PNKP: variants seen among roughly 807,000 people sequenced by gnomAD.
PNKP encodes polynucleotide kinase 3'-phosphatase, also known as bifunctional polynucleotide phosphatase/kinase.
In PNKP, 82 loss-of-function variants were observed where a neutral mutation model predicts 66.2. The observed-to-expected ratio is 1.24, with a 90% CI of 1.04 to 1.49. The LOEUF (loss-of-function observed/expected upper bound fraction) is 1.49, where lower values mean the gene tolerates loss of function less well. Among genes scored for constraint, PNKP ranks in the 40% most tolerant of loss-of-function variants. PNKP has a pLI of 0.00. For synonymous variants in PNKP, 412 were observed against 298.9 expected (o/e 1.38, Z -3.90); for missense variants, 907 against 706.8 (o/e 1.28, Z -3.21).
Position 49,862,383 on chromosome 19 carries a change from TGGGAGCTCGAAGCC to T in PNKP, c.1003_1016del (p.Gly335SerfsTer3), listed in dbSNP as rs1131691883. 5.7e-6 allele frequency: 8 copies of T among 1,409,388 alleles called. No individual in the cohort carries two copies. The Admixed American group carries it at 1.7e-4, about 29-fold the overall frequency. 87.3% of individuals were successfully genotyped at this position (1,409,388 alleles called of 1,614,324 possible). ...CCCAGGGCCTCACCGGATCAAAGGC[TGGGAGCTCGAAGCC>T]GGCTGCTGGCCACTTGAGAAAGAAC... On this transcript the variant is annotated frameshift_variant, in exon 11 of 17. Transcript: ENST00000322344. LOFTEE classifies it high-confidence loss of function.
chr19:49,862,940 C>G (rs369786042), intron 8 of PNKP: 1 of 672,940 alleles, frequency 1.5e-6, no homozygotes, highest in Non-Finnish European at 2.7e-6. Flanking sequence ...CCCCTCCCTC[C>G]AGGTCTCCCG....
chr19:49,865,080 G>C, intron 4 of PNKP, 47 bp downstream of exon 4: 1 of 1,547,312 alleles, frequency 6.5e-7, no homozygotes, highest in Non-Finnish European at 8.9e-7. Context: ...ACGTGGGATT[G>C]GGTCCCAGTC....
At chr19:49,867,029 C>T (rs1329476947) in intron 2 of PNKP, 25 bp downstream of exon 2, 2 of 1,611,764 alleles carry the variant, frequency 1.2e-6, no homozygotes, top group Non-Finnish European at 1.7e-6. Context: ...CAGGCCACAC[C>T]CCCTCCAGCT....
Position 49,866,413 on chromosome 19 carries a change from C to T in PNKP, c.184G>A (p.Val62Met), listed in dbSNP as rs1467903741. The part of the protein sequence containing the change: ...ELVADPETRT[V>M]AVKQLGVNPS... ...GGCACTGATACCTGTTTCACTGCCA[C>T]TGTCCGGGTCTCAGGATCTGCGACC... The change falls in exon 3 of 17, where the codon GTG (valine) becomes ATG (methionine). Residue 62 changes from valine to methionine, a missense_variant. Transcript: ENST00000322344. 1.2e-6 allele frequency: 2 copies of T among 1,614,136 alleles called. No individual in the cohort carries two copies. The highest frequency in any genetic ancestry group is 2.2e-5 in the East Asian group (1 of 44,892).
chr19:49,861,797 T>C lies in PNKP; in HGVS notation c.1273A>G (p.Asn425Asp), dbSNP rs1348758451. ...CTGGCGCGGCTCGCGGCGTCTGGGT[T>C]TGTGTTGTCGATGGCGACCCGTTTC... is the stretch of plus-strand genomic sequence containing the variant. ...QGKRVAIDNT[N>D]PDAASRARYV... The change falls in exon 14 of 17, where the codon AAC becomes GAC. Residue 425 changes from asparagine to aspartate, a missense_variant. Asn to Asp is a conservative substitution (Grantham distance 23). Coordinates refer to ENST00000322344, the MANE Select transcript of PNKP (RefSeq NM_007254.4). 6.4e-7 allele frequency: 1 copy of C among 1,571,958 alleles called. No individual in the cohort carries two copies. The highest frequency in any genetic ancestry group is 2.4e-5 in the East Asian group (1 of 41,790).
intron 8 of PNKP, 98 bp downstream of exon 8, chr19:49,863,591 C>G (rs2074796136): frequency 2.4e-6 from 2 of 833,502 alleles, no homozygotes; most frequent in South Asian, 2.9e-5. Flanking sequence ...CGAGAGAGGA[C>G]AGAGGAGTAA....
chr19:49,864,116 T>G, intron 6 of PNKP, 45 bp from the exon 7 acceptor site: 1 of 1,610,976 alleles, frequency 6.2e-7, no homozygotes, highest in African/African-American at 1.3e-5. Context: ...CACCAGGGCC[T>G]TGGTCTGACT....
rs1450751537 is a variant in PNKP, at chr19:49,865,123, T to C, written c.498+4A>G. The C allele has an allele frequency of 2.5e-6, 4 of 1,613,190 alleles. No homozygotes were observed. The highest frequency in any genetic ancestry group is 3.4e-6 in the Non-Finnish European group (4 of 1,179,560). On this transcript the variant is annotated splice_donor_region_variant and intron_variant, in intron 4 of 16. Coordinates refer to ENST00000322344, the MANE Select transcript of PNKP (RefSeq NM_007254.4). ...GCTCCCTCAGCCCTCGGCGTGGCCC[T>C]CACCTTGCCCTGGGGTTTCACCCCA... is the stretch of plus-strand genomic sequence containing the variant.
At position 49,867,556 on chromosome 19, in the gene PNKP, G is replaced by A. The variant is rs994662504; in HGVS notation, c.-101C>T. ...GCCTGCAACCCGGCCGGCGGCGGTC[G>A]GTTCCTCGGCGGACGGAAATGACTC... On this transcript the variant is annotated 5_prime_UTR_variant, in exon 1 of 17. Transcript: ENST00000322344. 1.7e-5 allele frequency: 4 copies of A among 233,516 alleles called. No homozygotes were observed. The highest frequency in any genetic ancestry group is 1.4e-4 in the South Asian group (3 of 21,882). 14.5% of individuals were successfully genotyped at this position (233,516 alleles called of 1,614,324 possible).
Position 49,862,279 on chromosome 19 carries a change from C to A in PNKP, c.1032G>T (p.Arg344Ser). The A allele has an allele frequency of 6.3e-7, 1 of 1,593,320 alleles. No individual in the cohort carries two copies. Among genetic ancestry groups the A allele is most frequent in the Non-Finnish European group, 8.5e-7 (1 of 1,170,302 alleles). Residue 344 changes from arginine (R) to serine (S), a missense_variant and splice_region_variant, in exon 12 of 17, where the codon AGG becomes AGT. Arg to Ser is a moderately radical substitution (Grantham distance 110). Coordinates refer to ENST00000322344, the MANE Select transcript of PNKP (RefSeq NM_007254.4). ...AGFELPAFDP[R>S]TVSRSGPLCL... ...AGAGAGGCCCTGAGCGGGAGACAGTCCTCTGCGAGGGGCGGGGGACACGCG... is the reference window on the plus strand; with the variant it reads ...AGAGAGGCCCTGAGCGGGAGACAGTACTCTGCGAGGGGCGGGGGACACGCG...
intron 3 of PNKP, 169 bp downstream of exon 3, chr19:49,866,230 G>A (rs1310340380): frequency 5.6e-6 from 4 of 718,352 alleles, no homozygotes; most frequent in Non-Finnish European, 1.0e-5. Flanking sequence ...GAACTCCTGG[G>A]TTCAAGCGAT....
In PNKP at chr19:49,861,942, G is replaced by T. The variant is rs903644862; in HGVS notation, c.1189-61C>A. 26 of 1,573,688 alleles carry T rather than the reference G, an allele frequency of 1.7e-5. No individual in the cohort carries two copies. In the South Asian group the frequency reaches 2.7e-4, roughly 16 times the overall value. On this transcript the variant is annotated intron_variant, in intron 13 of 16. Transcript: ENST00000322344. Reference sequence around the variant, plus strand: ...CCCAGGGGGAGAGAAGACCCCGAGCGGGGACGGGGAGGCAATGATGGAGGA... The same window carrying T: ...CCCAGGGGGAGAGAAGACCCCGAGCTGGGACGGGGAGGCAATGATGGAGGA...
At position 49,865,316 on chromosome 19, in the gene PNKP, G is replaced by A; in HGVS notation, c.309C>T (p.Thr103=). 1 of 1,614,154 alleles carries A rather than the reference G, an allele frequency of 6.2e-7. No homozygotes were observed. The highest frequency in any genetic ancestry group is 8.5e-7 in the Non-Finnish European group (1 of 1,180,018). The change falls in exon 4 of 17, where the codon ACC becomes ACT. Residue 103 remains threonine, a synonymous_variant. Coordinates refer to ENST00000322344, the MANE Select transcript of PNKP (RefSeq NM_007254.4). ...GTGTGCGGGTCTCTTCCCAGCGCAGGGTCAGTGGGTGGAGGCCATTGACCA... is the reference window on the plus strand; with the variant it reads ...GTGTGCGGGTCTCTTCCCAGCGCAGAGTCAGTGGGTGGAGGCCATTGACCA... ...LYLVNGLHPL[T]LRWEETRTPE... is the part of the protein sequence containing the mutation.
In PNKP at chr19:49,867,126, C is replaced by T. The variant is rs774322357; in HGVS notation, c.79G>A (p.Asp27Asn). The T allele has an allele frequency of 1.9e-6, 3 of 1,613,314 alleles. No individual in the cohort carries two copies. The highest frequency in any genetic ancestry group is 2.2e-5 in the East Asian group (1 of 44,874). ...CTGCCCAGGACCAGGGCTTGCCCGT[C>T]CGAGGGCAGGAAGATGGGGGGCGCT... Reference protein sequence around the residue: ...GGAPPIFLPSDGQALVLGRGP... With the variant: ...GGAPPIFLPSNGQALVLGRGP... Residue 27 changes from aspartate to asparagine, a missense_variant, in exon 2 of 17, where the codon GAC becomes AAC. Physicochemically the swap from Asp to Asn is conservative, Grantham distance 23. Transcript: ENST00000322344.
intron 8 of PNKP, 67 bp from the exon 9 acceptor site, chr19:49,862,805 G>A (rs2074788588): frequency 7.7e-6 from 12 of 1,548,658 alleles, no homozygotes; most frequent in South Asian, 1.1e-5. Context: ...CGGGTCCCTG[G>A]GGCTGCTTCG....
chr19:49,864,732 G>A (rs557953808), intron 4 of PNKP, among the ~76,000 whole-genome samples: 1 of 152,300 alleles, frequency 6.6e-6, no homozygotes, highest in Admixed American at 6.5e-5. Context: ...AATAAAAGCA[G>A]GAGCAAAGCT....
In PNKP at chr19:49,864,044, T is replaced by C; in HGVS notation, c.664A>G (p.Ile222Val). 2 of 1,614,050 alleles carry C rather than the reference T, an allele frequency of 1.2e-6. No individual in the cohort carries two copies. Among genetic ancestry groups the C allele is most frequent in the Non-Finnish European group, 1.7e-6 (2 of 1,180,026 alleles). The change falls in exon 7 of 17, where the codon ATC becomes GTC. Residue 222 changes from isoleucine (I) to valine (V), a missense_variant. Coordinates refer to ENST00000322344, the MANE Select transcript of PNKP (RefSeq NM_007254.4). ...KLVIFTNQMS[I>V]GRGKLPAEEF... ...TCGGCTGGCAGCTTCCCGCGCCCGA[T>C]GCTCATCTGGTTGGTGAAGATCACC...
chr19:49,861,479 G>C lies in PNKP; in HGVS notation c.1418C>G (p.Pro473Arg), dbSNP rs200014111. 5 of 1,613,928 alleles carry C rather than the reference G, an allele frequency of 3.1e-6. No homozygotes were observed. The highest frequency in any genetic ancestry group is 1.6e-4 in the Middle Eastern group (1 of 6,062). Reference sequence around the variant, plus strand: ...GCCATACATGACCATGTCTGACACGGGGATATGAGAGGAGTCCGTCATCTC... The same window carrying C: ...GCCATACATGACCATGTCTGACACGCGGATATGAGAGGAGTCCGTCATCTC... ...FREMTDSSHI[P>R]VSDMVMYGYR... Residue 473 changes from proline (P) to arginine (R), a missense_variant, in exon 16 of 17, where the codon CCC becomes CGC. Transcript: ENST00000322344.
At chr19:49,863,622 G>C in intron 8 of PNKP, 67 bp downstream of exon 8, 3 of 1,233,038 alleles carry the variant, frequency 2.4e-6, no homozygotes, top group Non-Finnish European at 3.5e-6. Flanking sequence ...ACCGGAGGCC[G>C]GGGAGCCCAG....
Sources: gnomAD v4.1 joint callset for allele counts (sites outside exome capture counted in the v4.1 genomes callset) on GRCh38, gnomAD v4.1.1 for gene constraint, MANE v1.5 for transcripts, NCBI Gene and HGNC (gene_info 2026-07-23, HGNC 2026-07-21) for gene names.